GNAS: variants seen among roughly 807,000 people sequenced by gnomAD.
GNAS encodes protein ALEX.
GNAS carries 8 observed loss-of-function variants against 54.5 expected under a neutral mutation model. The observed-to-expected ratio is 0.15, with a 90% CI of 0.09 to 0.26. GNAS has a LOEUF of 0.26. GNAS is among the 10% of genes least tolerant of loss of function. The pLI, the probability that GNAS is intolerant of heterozygous loss-of-function variation, is 1.00. For synonymous variants in GNAS, 204 were observed against 191.4 expected (o/e 1.07, Z -0.54); for missense variants, 170 against 529.8 (o/e 0.32, Z 6.67).
chr20:58,874,013 C>A (rs1019465620), intron 1 of GNAS, among the ~76,000 whole-genome samples: 1 of 152,210 alleles, frequency 6.6e-6, no homozygotes, highest in Admixed American at 6.5e-5. Flanking sequence ...GAAGGATCTG[C>A]TGGGGTCAAA....
Position 58,910,284 on chromosome 20 carries a change from G to C in GNAS, c.971-50G>C. 7.0e-7 allele frequency: 1 copy of C among 1,420,388 alleles called. No homozygotes were observed. Among genetic ancestry groups the C allele is most frequent in the Non-Finnish European group, 1.0e-6 (1 of 1,003,142 alleles). 88.0% of individuals were successfully genotyped at this position (1,420,388 alleles called of 1,614,324 possible). On this transcript the variant is annotated intron_variant, in intron 11 of 12. Transcript: ENST00000371085. The surrounding 1 kb of genome is among the most constrained non-coding windows in gnomAD (Gnocchi z 5.8). ...GAGCTACAGAGATGCTAGCACCCCA[G>C]CTCTGCTTGAATTTTAAATTACATT...
chr20:58,892,015 GA>G, intron 1 of GNAS, 150 bp downstream of exon 1: 1 of 802,744 alleles, frequency 1.2e-6, no homozygotes, highest in Non-Finnish European at 1.5e-6. Flanking sequence ...GGCGAGGCCG[GA>G]AGGGGGACCC....
intron 1 of GNAS, chr20:58,855,370 G>T (rs1321196465): frequency 4.5e-6 from 7 of 1,543,380 alleles, no homozygotes; most frequent in Non-Finnish European, 3.5e-6. Flanking sequence ...CAGCAGGGCC[G>T]CCGGGGAACC....
intron 1 of GNAS, among the ~76,000 whole-genome samples, chr20:58,872,125 C>T (rs2087509342): frequency 6.6e-6 from 1 of 152,206 alleles, no homozygotes; most frequent in Non-Finnish European, 1.5e-5. Context: ...GGGCCACCAC[C>T]ACCCTCTGAG....
rs11554266 is a variant in GNAS at position 58,903,791 on chromosome 20, C to T, written c.432C>T (p.Pro144=). The T allele has an allele frequency of 1.6e-3, 2,508 of 1,614,008 alleles. 27 individuals are homozygous for T. The African/African-American group carries it at 0.027, about 17-fold the overall frequency. ...ACGTGCCTGACTTTGACTTCCCTCC[C>T]GTAAGCTACACCCCGACTTGTGTGG... ...VMNVPDFDFP[P]EFYEHAKALW... Residue 144 remains proline (P), a splice_region_variant and synonymous_variant, in exon 5 of 13, where the codon CCC becomes CCT. Coordinates refer to ENST00000371085, the MANE Select transcript of GNAS (RefSeq NM_000516.7).
At chr20:58,877,357 A>G (rs2087893550) in intron 1 of GNAS, among the ~76,000 whole-genome samples, 1 of 152,122 alleles carries the variant, frequency 6.6e-6, no homozygotes, top group South Asian at 2.1e-4. Context: ...AGCCAGGGGC[A>G]AATGGTGAAT....
chr20:58,875,476 C>G (rs1003403583), intron 1 of GNAS, among the ~76,000 whole-genome samples: 2 of 152,178 alleles, frequency 1.3e-5, no homozygotes, highest in African/African-American at 4.8e-5. Context: ...TTGGGGGGAA[C>G]AGGGGAGAGC....
chr20:58,840,925 G>A lies in GNAS; in HGVS notation c.43+39G>A, dbSNP rs750784274. ...CGCTAAACTGGGGAGCCTGAGGGCG[G>A]TGTGGGAGCAGCGCAGGTGGAAAGG... On this transcript the variant is annotated intron_variant, in intron 1 of 12. Transcript: ENST00000306090. The surrounding 1 kb of genome is among the most constrained non-coding windows in gnomAD (Gnocchi z 6.0). The A allele has an allele frequency of 6.8e-6, 11 of 1,606,638 alleles. No homozygotes were observed. Among genetic ancestry groups the A allele is most frequent in the Non-Finnish European group, 9.4e-6 (11 of 1,176,282 alleles).
Position 58,854,710 on chromosome 20 carries a change from C to T in GNAS, c.43+13824C>T, listed in dbSNP as rs750833568. ...CCCGCCGCCCCTGCGGCTGCTGAGA[C>T]CCGGGCAGCCCATGTCGCCCCAGCT... is the stretch of plus-strand genomic sequence containing the variant. On this transcript the variant is annotated intron_variant, in intron 1 of 12. Coordinates refer to the GNAS transcript ENST00000306090. 10 of 1,532,810 alleles carry T rather than the reference C, an allele frequency of 6.5e-6. 1 individual carries two copies. The South Asian group carries it at 1.2e-4, about 18-fold the overall frequency. The allele number at this position is 1,532,810 out of a possible 1,614,324, so 95.0% of individuals were successfully genotyped here.
At position 58,891,598 on chromosome 20, in the gene GNAS, C is replaced by T; in HGVS notation, c.-129C>T. On this transcript the variant is annotated 5_prime_UTR_variant, in exon 1 of 13. Coordinates refer to ENST00000371085, the MANE Select transcript of GNAS (RefSeq NM_000516.7). The stretch of plus-strand genomic sequence containing the variant: ...GGCCCGCAGTCCGCCCCGCGCGCTC[C>T]TTGCCGAGGAGCCGAGCCCGCGCCC... 1.0e-6 allele frequency: 1 copy of T among 973,064 alleles called. No individual in the cohort carries two copies. Among genetic ancestry groups the T allele is most frequent in the Non-Finnish European group, 1.2e-6 (1 of 823,410 alleles). 60.3% of individuals were successfully genotyped at this position (973,064 alleles called of 1,614,324 possible). A position where few individuals can be genotyped will look rare whatever the true frequency, so the allele number is the denominator to read the frequency against.
At chr20:58,854,508 A>C in intron 1 of GNAS, 1 of 1,571,098 alleles carries the variant, frequency 6.4e-7, no homozygotes, top group African/African-American at 1.4e-5. Context: ...CGACTCCGGG[A>C]CAGCACCAGC....
chr20:58,867,166 C>G (rs2145675409), intron 1 of GNAS, among the ~76,000 whole-genome samples: 1 of 152,326 alleles, frequency 6.6e-6, no homozygotes, highest in South Asian at 2.1e-4. Context: ...AGTGCAACAT[C>G]TTTCCAAGCA....
chr20:58,889,222 C>CCGGTG, upstream of GNAS: 1 of 1,199,790 alleles, frequency 8.3e-7, no homozygotes, highest in Non-Finnish European at 1.1e-6. Flanking sequence ...AGGTGGCTGG[C>CCGGTG]CGGCGCGGCG....
At chr20:58,902,428 C>T (rs1185901285) in intron 3 of GNAS, among the ~76,000 whole-genome samples, 3 of 152,078 alleles carry the variant, frequency 2.0e-5, no homozygotes, top group Non-Finnish European at 2.9e-5. Flanking sequence ...TGTTATGGTC[C>T]CCAGAAGCCA....
In GNAS at chr20:58,891,719, C is replaced by T. The variant is rs542238161; in HGVS notation, c.-8C>T. 4.1e-5 allele frequency: 46 copies of T among 1,109,598 alleles called. No individual in the cohort carries two copies. Among genetic ancestry groups the T allele is most frequent in the South Asian group, 2.1e-4 (9 of 42,058 alleles). The allele number at this position is 1,109,598 out of a possible 1,614,324, so 68.7% of individuals were successfully genotyped here. A position where few individuals can be genotyped will look rare whatever the true frequency, so the allele number is the denominator to read the frequency against. On this transcript the variant is annotated 5_prime_UTR_variant, in exon 1 of 13. Coordinates refer to ENST00000371085, the MANE Select transcript of GNAS (RefSeq NM_000516.7). ...GCCCGGCCGCGCCCCGCCGCCGCCG[C>T]CGCCGCCATGGGCTGCCTCGGGAAC...
At chr20:58,905,604 C>A (rs1388463450) in intron 6 of GNAS, 124 bp downstream of exon 6, 1 of 718,978 alleles carries the variant, frequency 1.4e-6, no homozygotes, top group Non-Finnish European at 2.5e-6. Flanking sequence ...CAACCAGTTA[C>A]CCCACTGGCA....
intron 1 of GNAS, chr20:58,850,704 G>A: frequency 2.5e-6 from 1 of 398,904 alleles, no homozygotes; most frequent in Non-Finnish European, 4.4e-6. Context: ...TTAGCCTGCC[G>A]CCATCAACAC....
chr20:58,840,014 T>TGA, upstream of GNAS: 2 of 1,429,108 alleles, frequency 1.4e-6, no homozygotes, highest in Non-Finnish European at 1.9e-6. This position sits in a 1 kb window ranked among gnomAD's most constrained non-coding sequence, Gnocchi z 6.0. Flanking sequence ...CCTCATAGGG[T>TGA]GTACCTTTCC....
At chr20:58,871,156 T>TTCCC (rs1294226285) in intron 1 of GNAS, among the ~76,000 whole-genome samples, 1 of 152,180 alleles carries the variant, frequency 6.6e-6, no homozygotes, top group East Asian at 1.9e-4. Flanking sequence ...AGAATTGAGG[T>TTCCC]TCCCTCCCTT....
Sources: allele counts gnomAD v4.1 joint callset (sites outside exome capture counted in the v4.1 genomes callset), GRCh38; gene constraint gnomAD v4.1.1; non-coding constraint Gnocchi (gnomAD v3.1); transcripts MANE v1.5; gene names NCBI Gene and HGNC (gene_info 2026-07-23, HGNC 2026-07-21).